Variants in HIVEP1 observed in about 807,000 individuals in gnomAD.
HIVEP1 encodes the protein HIVEP zinc finger 1.
A neutral mutation model predicts 180.0 loss-of-function variants in HIVEP1; 36 were observed. That is an observed-to-expected ratio of 0.20 (90% CI 0.15 to 0.26). The LOEUF is 0.26. Ranked by LOEUF, HIVEP1 falls within the 10% of genes least tolerant of loss-of-function variation. The pLI is 1.00. For missense variants in HIVEP1, 3,143 were observed against 3,268.7 expected, an observed-to-expected ratio of 0.96 and a Z score of 0.94; for synonymous variants, 1,239 against 1,239.0, an observed-to-expected ratio of 1.00 and a Z score of 0.00.
rs752889378 is a variant in HIVEP1, at chr6:12,125,730, G to C, written c.5935G>C (p.Gly1979Arg). The C allele has an allele frequency of 4.3e-6, 7 of 1,613,982 alleles. No homozygotes were observed. The highest frequency in any genetic ancestry group is 5.9e-6 in the Non-Finnish European group (7 of 1,180,030). The change falls in exon 4 of 9, where the codon GGT becomes CGT. Residue 1979 changes from glycine to arginine, a missense_variant. Transcript: ENST00000379388. Reference sequence around the variant, plus strand: ...AAGCGCCAGTAATCCAAATCCACTCGGTTTGCCCACAAAAGTTGCACTTGC... The same window carrying C: ...AAGCGCCAGTAATCCAAATCCACTCCGTTTGCCCACAAAAGTTGCACTTGC... The part of the protein sequence containing the change: ...TVSASNPNPL[G>R]LPTKVALALL...
At position 12,029,237 on chromosome 6, in the gene HIVEP1, A is replaced by G. The variant is rs928983497; in HGVS notation, c.40+13569A>G. Among the ~76,000 whole-genome samples, 3 of 152,126 alleles carry G rather than the reference A, an allele frequency of 2.0e-5. No homozygotes were observed. The East Asian group carries it at 5.8e-4, about 29-fold the overall frequency. On this transcript the variant is annotated intron_variant, in intron 2 of 8. Coordinates refer to ENST00000379388, the MANE Select transcript of HIVEP1 (RefSeq NM_002114.4). ...TGGCCATTAACACCTATTTTACTTG[A>G]TATTACTATAGAGACTAGGGTTATT...
At chr6:12,054,469 G>A (rs1361877922) in intron 2 of HIVEP1, among the ~76,000 whole-genome samples, 1 of 149,246 alleles carries the variant, frequency 6.7e-6, no homozygotes, top group Admixed American at 6.7e-5. Context: ...ATATATACAT[G>A]CACATTTACA....
chr6:12,065,606 T>A (rs1022681248), intron 2 of HIVEP1, among the ~76,000 whole-genome samples: 2 of 152,176 alleles, frequency 1.3e-5, no homozygotes, highest in African/African-American at 4.8e-5. Context: ...AATTCGCTTC[T>A]GTGTGCCACT....
chr6:12,154,223 G>C (rs912236878), intron 7 of HIVEP1, among the ~76,000 whole-genome samples: 1 of 152,162 alleles, frequency 6.6e-6, no homozygotes, highest in African/African-American at 2.4e-5. Flanking sequence ...AACCTGGTTC[G>C]CACCTACAGT....
chr6:12,180,421 A>G, the HIVEP1 span, among the ~76,000 whole-genome samples: 1 of 152,356 alleles, frequency 6.6e-6, no homozygotes, highest in East Asian at 1.9e-4. Flanking sequence ...TATTCTTATA[A>G]ACTATAATTA....
the HIVEP1 span, among the ~76,000 whole-genome samples, chr6:12,207,110 T>C: frequency 6.6e-6 from 1 of 152,208 alleles, no homozygotes; most frequent in African/African-American, 2.4e-5. Context: ...CTGCTGAGTT[T>C]TTAAGTCAGA....
rs887760625 is a variant in HIVEP1, at chr6:12,013,795, A to T, written c.-104+1229A>T. On this transcript the variant is annotated intron_variant, in intron 1 of 8. Transcript: ENST00000379388. The stretch of plus-strand genomic sequence containing the variant: ...CTATCTTTTATAGATCACTTAGCAC[A>T]ATGCTAGATGAAATACTTAGACCAT... Among the ~76,000 whole-genome samples the T allele has an allele frequency of 6.0e-5, 9 of 149,304 alleles. No individual in the cohort carries two copies. The South Asian group carries it at 9.1e-4, about 15-fold the overall frequency.
At chr6:12,139,941 T>C (rs773138742) in intron 7 of HIVEP1, among the ~76,000 whole-genome samples, 1 of 152,252 alleles carries the variant, frequency 6.6e-6, no homozygotes, top group Non-Finnish European at 1.5e-5. Context: ...CAGAAACTTC[T>C]GCAGGCTTAA....
Position 12,120,828 on chromosome 6 carries a change from G to C in HIVEP1, c.1033G>C (p.Val345Leu). 6.2e-7 allele frequency: 1 copy of C among 1,614,078 alleles called. No individual in the cohort carries two copies. The highest frequency in any genetic ancestry group is 8.5e-7 in the Non-Finnish European group (1 of 1,180,018). The stretch of plus-strand genomic sequence containing the variant: ...AACTTCACCTTCCAGTAGATCTCAG[G>C]TTACTCCTCAAAACCAGCAAATGGA... Reference protein sequence around the residue: ...GLTSPSSRSQVTPQNQQMDSA... With the variant: ...GLTSPSSRSQLTPQNQQMDSA... The change falls in exon 4 of 9, where the codon GTT (valine) becomes CTT (leucine). Residue 345 changes from valine to leucine, a missense_variant. Physicochemically the swap from Val to Leu is conservative, Grantham distance 32. Transcript: ENST00000379388.
At chr6:12,016,353 C>T (rs574546756) in intron 2 of HIVEP1, among the ~76,000 whole-genome samples, 1 of 152,204 alleles carries the variant, frequency 6.6e-6, no homozygotes, top group South Asian at 2.1e-4. Context: ...TAGCAATTAT[C>T]TTTTATATTA....
intron 3 of HIVEP1, among the ~76,000 whole-genome samples, chr6:12,113,948 T>C (rs953253460): frequency 4.6e-5 from 7 of 152,244 alleles, no homozygotes; most frequent in African/African-American, 1.7e-4. Flanking sequence ...TTAATTTGTT[T>C]AATTAATTTT....
chr6:12,154,108 T>C (rs1291147636), intron 7 of HIVEP1, among the ~76,000 whole-genome samples: 1 of 152,182 alleles, frequency 6.6e-6, no homozygotes, highest in East Asian at 1.9e-4. Context: ...GTGTATTCCA[T>C]ATATACAAGT....
chr6:12,009,434 A>G (rs1196571358), upstream of HIVEP1, among the ~76,000 whole-genome samples: 1 of 152,182 alleles, frequency 6.6e-6, no homozygotes, highest in African/African-American at 2.4e-5. Context: ...GACGGTGGGG[A>G]TGGAACCATA....
chr6:12,113,266 A>G (rs993186246), intron 3 of HIVEP1, among the ~76,000 whole-genome samples: 1 of 150,870 alleles, frequency 6.6e-6, no homozygotes, highest in African/African-American at 2.4e-5. Context: ...CCTTAGGTAG[A>G]GTGGAGGAAC....
chr6:12,080,803 G>A (rs1772738366), intron 2 of HIVEP1, among the ~76,000 whole-genome samples: 1 of 152,150 alleles, frequency 6.6e-6, no homozygotes, highest in South Asian at 2.1e-4. Context: ...ATTATAGAAT[G>A]TTTTGTTCCT....
At chr6:12,176,233 G>GT in the HIVEP1 span, among the ~76,000 whole-genome samples, 94,552 of 133,422 alleles carry the variant, frequency 0.71, 34,083 homozygotes, top group East Asian at 0.82. Flanking sequence ...TAAGTCTTGG[G>GT]TTTTTTTTTT....
chr6:12,196,622 A>C, the HIVEP1 span, among the ~76,000 whole-genome samples: 1 of 152,116 alleles, frequency 6.6e-6, no homozygotes, highest in African/African-American at 2.4e-5. Flanking sequence ...TCCTGCTTCA[A>C]AAATCCTTCC....
intron 2 of HIVEP1, among the ~76,000 whole-genome samples, chr6:12,083,719 A>C (rs770839468): frequency 3.3e-5 from 5 of 152,164 alleles, no homozygotes; most frequent in Admixed American, 6.6e-5. Flanking sequence ...TCTATGTAAT[A>C]TTGAGGGTTT....
intron 2 of HIVEP1, among the ~76,000 whole-genome samples, chr6:12,088,338 G>A (rs573965946): frequency 1.3e-5 from 2 of 152,178 alleles, no homozygotes; most frequent in East Asian, 1.9e-4. Flanking sequence ...GTACAAAATA[G>A]TACCCTGGGA....
Sources: gnomAD v4.1 joint callset for allele counts (sites outside exome capture counted in the v4.1 genomes callset) on GRCh38, gnomAD v4.1.1 for gene constraint, MANE v1.5 for transcripts, NCBI Gene and HGNC (gene_info 2026-07-23, HGNC 2026-07-21) for gene names.